Variants in LEPROT observed in about 807,000 individuals in gnomAD.
LEPROT encodes leptin receptor gene-related protein.
Under a neutral mutation model 15.4 loss-of-function variants are expected in LEPROT, and 3 were observed. That is an observed-to-expected ratio of 0.19 (90% confidence interval 0.09 to 0.50). The LOEUF (loss-of-function observed/expected upper bound fraction) is 0.50. Ranked by LOEUF, LEPROT falls within the 20% of genes least tolerant of loss-of-function variation. The pLI is 0.97. For missense variants in LEPROT, 137 were observed against 162.2 expected (o/e 0.84, Z 0.84); for synonymous variants, 59 against 57.5 (o/e 1.03, Z -0.12).
rs1172563425 is a variant in LEPROT at position 65,433,407 on chromosome 1, C to T, written c.*1488C>T. ...TCCTGTAATCACAGTTTTCCCTGCT[C>T]ACCTTTTTGTCTAAGATCTATTGAG... On this transcript the variant is annotated 3_prime_UTR_variant, in exon 4 of 4. Transcript: ENST00000371065. 1 of 985,410 alleles carries T rather than the reference C, an allele frequency of 1.0e-6. No homozygotes were observed. The highest frequency in any genetic ancestry group is 1.2e-6 in the Non-Finnish European group (1 of 829,930). The allele number at this position is 985,410 out of a possible 1,614,324, so 61.0% of individuals were successfully genotyped here.
intron 2 of LEPROT, among the ~76,000 whole-genome samples, chr1:65,425,736 G>T (rs954364141): frequency 6.6e-6 from 1 of 152,208 alleles, no homozygotes; most frequent in Admixed American, 6.5e-5. Context: ...AGCACAGTAC[G>T]CTGGAGCTCG....
rs1646518791 is a variant in LEPROT at position 65,433,651 on chromosome 1, T to C, written c.*1732T>C. ...TTTGGCCTTGTTCATGATTTTATGT[T>C]TTCAGTGTCCTGTGTACATATAGAA... On this transcript the variant is annotated 3_prime_UTR_variant, in exon 4 of 4. Transcript: ENST00000371065. 1.0e-6 allele frequency: 1 copy of C among 985,208 alleles called. No homozygotes were observed. Among genetic ancestry groups the C allele is most frequent in the African/African-American group, 1.7e-5 (1 of 57,226 alleles). 61.0% of individuals were successfully genotyped at this position (985,208 alleles called of 1,614,324 possible).
intron 1 of LEPROT, among the ~76,000 whole-genome samples, chr1:65,421,074 C>T (rs1480636328): frequency 6.6e-6 from 1 of 152,238 alleles, no homozygotes; most frequent in Non-Finnish European, 1.5e-5. Context: ...TGACGCCACC[C>T]TAACGCCTTT....
chr1:65,432,155 T>C lies in LEPROT; in HGVS notation c.*236T>C, dbSNP rs79395241. On this transcript the variant is annotated 3_prime_UTR_variant, in exon 4 of 4. Coordinates refer to ENST00000371065, the MANE Select transcript of LEPROT (RefSeq NM_017526.5). ...TATGTTACTTGTTTGGCTGTTCATG[T>C]AGTCACGGTGCTCTCAGAAAATATA... 1.4e-3 allele frequency: 1,704 copies of C among 1,175,858 alleles called. 12 individuals carry two copies. The African/African-American group carries it at 0.019, about 13-fold the overall frequency. The allele number at this position is 1,175,858 out of a possible 1,614,324, so 72.8% of individuals were successfully genotyped here.
Position 65,432,537 on chromosome 1 carries a change from C to T in LEPROT, c.*618C>T. On this transcript the variant is annotated 3_prime_UTR_variant, in exon 4 of 4. Coordinates refer to ENST00000371065, the MANE Select transcript of LEPROT (RefSeq NM_017526.5). Reference sequence around the variant, plus strand: ...TCTTTCCAGTGGCTAAACCACTTAACCTCTCTGGGTGTTACCTGCTCATTT... The same window carrying T: ...TCTTTCCAGTGGCTAAACCACTTAATCTCTCTGGGTGTTACCTGCTCATTT... 5 of 820,514 alleles carry T rather than the reference C, an allele frequency of 6.1e-6. No individual in the cohort carries two copies. Among genetic ancestry groups the T allele is most frequent in the Non-Finnish European group, 7.3e-6 (5 of 680,358 alleles). The allele number at this position is 820,514 out of a possible 1,614,324, so 50.8% of individuals were successfully genotyped here.
chr1:65,421,384 C>A, intron 1 of LEPROT: 1 of 1,536,064 alleles, frequency 6.5e-7, no homozygotes, highest in Non-Finnish European at 8.7e-7. Context: ...TTGGTAAAAA[C>A]ACCGCGTCCC....
At position 65,434,998 on chromosome 1, in the gene LEPROT, T is replaced by C; in HGVS notation, c.*3079T>C. On this transcript the variant is annotated 3_prime_UTR_variant, in exon 4 of 4. Transcript: ENST00000371065. Reference sequence around the variant, plus strand: ...GGCCGACTGCCATTCCCATGACTGCTGCACCTGCGTTTTTAGAGAATGCCT... The same window carrying C: ...GGCCGACTGCCATTCCCATGACTGCCGCACCTGCGTTTTTAGAGAATGCCT... 2.0e-6 allele frequency: 2 copies of C among 985,476 alleles called. No individual in the cohort carries two copies. The highest frequency in any genetic ancestry group is 9.4e-5 in the South Asian group (2 of 21,282). 61.0% of individuals were successfully genotyped at this position (985,476 alleles called of 1,614,324 possible).
rs574086065 is a variant in LEPROT, at chr1:65,433,180, C to T, written c.*1261C>T. On this transcript the variant is annotated 3_prime_UTR_variant, in exon 4 of 4. Transcript: ENST00000371065. ...TCCTTCCCTCTGCCCCCCACCCCTA[C>T]TCCTCAACAGTTCTGGTTTGCCCTG... 83 of 985,426 alleles carry T rather than the reference C, an allele frequency of 8.4e-5. No homozygotes were observed. The African/African-American group carries it at 1.4e-3, about 17-fold the overall frequency. The allele number at this position is 985,426 out of a possible 1,614,324, so 61.0% of individuals were successfully genotyped here. A position where few individuals can be genotyped will look rare whatever the true frequency, so the allele number is the denominator to read the frequency against.
intron 1 of LEPROT, chr1:65,421,342 T>G (rs2101664130): frequency 6.5e-7 from 1 of 1,535,330 alleles, no homozygotes; most frequent in East Asian, 2.4e-5. Context: ...GAAACCAGTG[T>G]GTGTGTAGTA....
chr1:65,431,308 C>T (rs1050091443), intron 3 of LEPROT, among the ~76,000 whole-genome samples: 1 of 152,136 alleles, frequency 6.6e-6, no homozygotes, highest in African/African-American at 2.4e-5. Flanking sequence ...GTACTCTCAC[C>T]CCCAAATGTG....
chr1:65,420,790 C>A, intron 1 of LEPROT, 50 bp downstream of exon 1: 1 of 1,559,888 alleles, frequency 6.4e-7, no homozygotes, highest in East Asian at 2.4e-5. Context: ...TTGCCACCTC[C>A]GTTCCGGTCA....
intron 3 of LEPROT, among the ~76,000 whole-genome samples, chr1:65,431,523 C>A (rs1229114662): frequency 6.6e-6 from 1 of 152,184 alleles, no homozygotes; most frequent in African/African-American, 2.4e-5. Flanking sequence ...AATCTTACCA[C>A]TTGAGTTTTA....
At position 65,434,509 on chromosome 1, in the gene LEPROT, G is replaced by T. The variant is rs1646531877; in HGVS notation, c.*2590G>T. On this transcript the variant is annotated 3_prime_UTR_variant, in exon 4 of 4. Transcript: ENST00000371065. Reference sequence around the variant, plus strand: ...TTCCACAGAAACAATACTATGAATTGGTGATTGAGTTCCCAGGCCAAGCCT... The same window carrying T: ...TTCCACAGAAACAATACTATGAATTTGTGATTGAGTTCCCAGGCCAAGCCT... 1 of 984,720 alleles carries T rather than the reference G, an allele frequency of 1.0e-6. No homozygotes were observed. Among genetic ancestry groups the T allele is most frequent in the Non-Finnish European group, 1.2e-6 (1 of 829,520 alleles). 61.0% of individuals were successfully genotyped at this position (984,720 alleles called of 1,614,324 possible). A position where few individuals can be genotyped will look rare whatever the true frequency, so the allele number is the denominator to read the frequency against.
chr1:65,428,728 CT>C (rs1038270953), intron 2 of LEPROT, among the ~76,000 whole-genome samples: 7 of 151,100 alleles, frequency 4.6e-5, no homozygotes, highest in East Asian at 1.9e-4. Context: ...TGAGCAGAGA[CT>C]TTTTTTTTCT....
Position 65,435,801 on chromosome 1 carries a change from A to C in LEPROT, c.*3882A>C. On this transcript the variant is annotated 3_prime_UTR_variant, in exon 4 of 4. Coordinates refer to ENST00000371065, the MANE Select transcript of LEPROT (RefSeq NM_017526.5). ...GAAATATTATGTCTGTAGTAGATAA[A>C]TATTAGTTGTGCATTTTAATTTAAT... The C allele has an allele frequency of 1.9e-5, 19 of 981,760 alleles. No homozygotes were observed. Among genetic ancestry groups the C allele is most frequent in the Non-Finnish European group, 2.2e-5 (18 of 826,614 alleles). The allele number at this position is 981,760 out of a possible 1,614,324, so 60.8% of individuals were successfully genotyped here. A position where few individuals can be genotyped will look rare whatever the true frequency, so the allele number is the denominator to read the frequency against.
Position 65,434,905 on chromosome 1 carries a change from T to C in LEPROT, c.*2986T>C. ...GTGCTGAGAAGAAAGCAGATCACAC[T>C]TCATCACAGAAAGAATGCCTTGTGA... On this transcript the variant is annotated 3_prime_UTR_variant, in exon 4 of 4. Transcript: ENST00000371065. The C allele has an allele frequency of 2.0e-6, 2 of 985,450 alleles. No homozygotes were observed. The highest frequency in any genetic ancestry group is 2.4e-6 in the Non-Finnish European group (2 of 829,938). The allele number at this position is 985,450 out of a possible 1,614,324, so 61.0% of individuals were successfully genotyped here.
intron 1 of LEPROT, 96 bp downstream of exon 1, chr1:65,420,836 A>G: frequency 7.0e-7 from 1 of 1,435,406 alleles, no homozygotes; most frequent in Non-Finnish European, 9.5e-7. Context: ...CCGTTGGGGA[A>G]CGGCCTCACC....
rs747642376 is a variant in LEPROT, at chr1:65,434,465, A to C, written c.*2546A>C. Reference sequence around the variant, plus strand: ...TCATGTTTCAAACAAGTGGGTTACAAGCAGACTTTGAGACACTTTTCCACA... The same window carrying C: ...TCATGTTTCAAACAAGTGGGTTACACGCAGACTTTGAGACACTTTTCCACA... On this transcript the variant is annotated 3_prime_UTR_variant, in exon 4 of 4. Coordinates refer to ENST00000371065, the MANE Select transcript of LEPROT (RefSeq NM_017526.5). 8.5e-4 allele frequency: 833 copies of C among 985,282 alleles called. No individual in the cohort carries two copies. The highest frequency in any genetic ancestry group is 9.8e-4 in the Non-Finnish European group (812 of 829,926). 61.0% of individuals were successfully genotyped at this position (985,282 alleles called of 1,614,324 possible).
chr1:65,427,889 C>T, intron 2 of LEPROT: 1 of 230,248 alleles, frequency 4.3e-6, no homozygotes, highest in South Asian at 4.9e-5. Flanking sequence ...CATCCTCCTG[C>T]CTTGGCCTCC....
Sources: gnomAD v4.1 joint callset for allele counts (sites outside exome capture counted in the v4.1 genomes callset) on GRCh38, gnomAD v4.1.1 for gene constraint, MANE v1.5 for transcripts, NCBI Gene and HGNC (gene_info 2026-07-23, HGNC 2026-07-21) for gene names.